The following PSMC3 variants were observed in gnomAD, a reference collection of about 807,000 sequenced individuals.
The protein encoded by PSMC3 is 26S proteasome regulatory subunit 6A.
PSMC3 carries 11 observed loss-of-function variants against 52.0 expected under a neutral mutation model. That is an observed-to-expected ratio of 0.21 (90% CI 0.13 to 0.35). PSMC3 has a LOEUF of 0.35. Among genes scored for constraint, PSMC3 ranks in the 10% least tolerant of loss-of-function variants. The pLI is 1.00. For synonymous variants in PSMC3, 201 were observed against 218.8 expected, an observed-to-expected ratio of 0.92 and a Z score of 0.72; for missense variants, 238 against 567.1, an observed-to-expected ratio of 0.42 and a Z score of 5.89.
chr11:47,420,575 T>G (rs1190743376), intron 9 of PSMC3, 56 bp downstream of exon 9: 1 of 1,522,612 alleles, frequency 6.6e-7, no homozygotes, highest in Non-Finnish European at 8.9e-7. Context: ...GCTGGGGGCC[T>G]GACAGCTCCT....
intron 10 of PSMC3, 134 bp from the exon 11 acceptor site, chr11:47,419,331 C>T (rs895455683): frequency 1.4e-5 from 12 of 847,190 alleles, no homozygotes; most frequent in African/African-American, 3.3e-5. Context: ...TTACTCAATG[C>T]GCCTTGTTTT....
At position 47,419,214 on chromosome 11, in the gene PSMC3, T is replaced by C. The variant is rs1440933387; in HGVS notation, c.1128-17A>G. 4 of 1,613,598 alleles carry C rather than the reference T, an allele frequency of 2.5e-6. No individual in the cohort carries two copies. Among genetic ancestry groups the C allele is most frequent in the Non-Finnish European group, 2.5e-6 (3 of 1,179,634 alleles). On this transcript the variant is annotated splice_polypyrimidine_tract_variant and intron_variant, in intron 10 of 11. Coordinates refer to ENST00000298852, the MANE Select transcript of PSMC3 (RefSeq NM_002804.5). ...ACGTCAGGACTGGGGACAGGACAGA[T>C]ACCACAGGCTCAGTGGCTTATGCGG... is the stretch of plus-strand genomic sequence containing the variant.
Position 47,425,959 on chromosome 11 carries a change from A to G in PSMC3, c.76-9T>C, listed in dbSNP as rs901888638. ...TCCCCAATTCCATCTTGCTGTAAAA[A>G]ATTATTTGTTTATTTATATATTTAC... On this transcript the variant is annotated splice_polypyrimidine_tract_variant and intron_variant, in intron 1 of 11. Coordinates refer to ENST00000298852, the MANE Select transcript of PSMC3 (RefSeq NM_002804.5). The G allele has an allele frequency of 2.8e-5, 45 of 1,608,810 alleles. No individual in the cohort carries two copies. The highest frequency in any genetic ancestry group is 3.5e-5 in the Non-Finnish European group (41 of 1,175,426).
chr11:47,418,968 C>T (rs1236198340), intron 11 of PSMC3, 23 bp from the exon 12 acceptor site: 6 of 1,613,176 alleles, frequency 3.7e-6, no homozygotes, highest in Non-Finnish European at 4.2e-6. Flanking sequence ...CAAACAGAGT[C>T]TAGGTCTGAA....
chr11:47,425,640 A>G (rs539274586), intron 2 of PSMC3: 104 of 554,512 alleles, frequency 1.9e-4, no homozygotes, highest in Non-Finnish European at 3.0e-4. Flanking sequence ...TCACTGGGAA[A>G]GGCAATCTGA....
intron 6 of PSMC3, among the ~76,000 whole-genome samples, chr11:47,423,785 A>C: frequency 1.7e-5 from 1 of 57,412 alleles, no homozygotes; most frequent in African/African-American, 5.1e-5. Flanking sequence ...GCAAAACTCC[A>C]TCTCGGAAAA....
chr11:47,425,324 AGG>A, intron 2 of PSMC3, 78 bp from the exon 3 acceptor site: 1 of 1,566,062 alleles, frequency 6.4e-7, no homozygotes, highest in Non-Finnish European at 8.7e-7. Flanking sequence ...AGTGAGGTCC[AGG>A]GTGCCCAGGG....
At chr11:47,424,000 A>C (rs763745134) in intron 6 of PSMC3, 46 bp downstream of exon 6, 2 of 1,613,398 alleles carry the variant, frequency 1.2e-6, no homozygotes, top group African/African-American at 2.7e-5. Context: ...GCGTGGAGAA[A>C]CTAAAAGGCT....
chr11:47,419,598 A>G (rs7120244), intron 10 of PSMC3, among the ~76,000 whole-genome samples: 150,844 of 152,216 alleles, frequency 0.99, 74,760 homozygotes, highest in East Asian at 1. Context: ...GGTGGCTCAT[A>G]CCTATAATCC....
At chr11:47,420,115 G>A in intron 10 of PSMC3, 149 bp downstream of exon 10, 1 of 930,058 alleles carries the variant, frequency 1.1e-6, no homozygotes, top group Non-Finnish European at 1.7e-6. Flanking sequence ...AGGAGAAACG[G>A]AGGCTGGCGT....
Position 47,424,422 on chromosome 11 carries a change from C to T in PSMC3, c.453+7G>A, listed in dbSNP as rs769556785. 1.2e-6 allele frequency: 2 copies of T among 1,614,018 alleles called. No individual in the cohort carries two copies. The highest frequency in any genetic ancestry group is 2.2e-5 in the East Asian group (1 of 44,888). ...AAAAGCACTGCCTGGGCTCAGGCCC[C>T]ACTCACCACCAGGTCTCCTGGCTTT... On this transcript the variant is annotated splice_region_variant and intron_variant, in intron 5 of 11. Coordinates refer to ENST00000298852, the MANE Select transcript of PSMC3 (RefSeq NM_002804.5). This position sits in a 1 kb window ranked among gnomAD's most constrained non-coding sequence, Gnocchi z 4.8.
At chr11:47,419,226 A>T (rs760764819) in intron 10 of PSMC3, 29 bp from the exon 11 acceptor site, 3 of 1,612,368 alleles carry the variant, frequency 1.9e-6, no homozygotes, top group Non-Finnish European at 2.5e-6. Context: ...CCACAGGCTC[A>T]GTGGCTTATG....
chr11:47,425,130 G>A lies in PSMC3; in HGVS notation c.276C>T (p.Asn92=), dbSNP rs768858454. 9.9e-6 allele frequency: 16 copies of A among 1,613,998 alleles called. No individual in the cohort carries two copies. The highest frequency in any genetic ancestry group is 6.7e-5 in the Admixed American group (4 of 59,988). ...CCACATACACACACACCTCGATGACGTTGGAGACAAGGTACGGCAGGGTCT... is the reference window on the plus strand; with the variant it reads ...CCACATACACACACACCTCGATGACATTGGAGACAAGGTACGGCAGGGTCT... The part of the protein sequence containing the change: ...VNKTLPYLVS[N]VIELLDVDPN... The change falls in exon 3 of 12, where the codon AAC becomes AAT. Residue 92 remains asparagine, a synonymous_variant. Coordinates refer to ENST00000298852, the MANE Select transcript of PSMC3 (RefSeq NM_002804.5).
chr11:47,426,166 G>A, intron 1 of PSMC3, 39 bp downstream of exon 1: 1 of 1,541,188 alleles, frequency 6.5e-7, no homozygotes, highest in Non-Finnish European at 8.8e-7. Context: ...TCTCCCTGCG[G>A]GCCCCGGTTC....
In PSMC3 at chr11:47,419,210, C is replaced by G; in HGVS notation, c.1128-13G>C. On this transcript the variant is annotated splice_polypyrimidine_tract_variant and intron_variant, in intron 10 of 11. Coordinates refer to ENST00000298852, the MANE Select transcript of PSMC3 (RefSeq NM_002804.5). ...GTTCACGTCAGGACTGGGGACAGGA[C>G]AGATACCACAGGCTCAGTGGCTTAT... 1 of 1,613,774 alleles carries G rather than the reference C, an allele frequency of 6.2e-7. No individual in the cohort carries two copies. Among genetic ancestry groups the G allele is most frequent in the Non-Finnish European group, 8.5e-7 (1 of 1,179,798 alleles).
intron 2 of PSMC3, 27 bp from the exon 3 acceptor site, chr11:47,425,273 A>C: frequency 6.2e-7 from 1 of 1,613,504 alleles, no homozygotes; most frequent in Non-Finnish European, 8.5e-7. Context: ...AGGAGAAGCA[A>C]ATATAAACCC....
Position 47,424,183 on chromosome 11 carries a change from C to T in PSMC3, c.454G>A (p.Gly152Ser). Reference sequence around the variant, plus strand: ...ATCAGATAGGAGTCTTTGTTCACACCCTAAGGACACAGCACAGGGCCTTCA... The same window carrying T: ...ATCAGATAGGAGTCTTTGTTCACACTCTAAGGACACAGCACAGGGCCTTCA... The part of the protein sequence containing the change: ...AEKLKPGDLV[G>S]VNKDSYLILE... The change falls in exon 6 of 12, where the codon GGT becomes AGT. Residue 152 changes from glycine to serine, a missense_variant and splice_region_variant. Around this residue, in one of 6 missense-constraint regions of PSMC3, gnomAD observed 60 missense variants for 117.3 expected, o/e 0.51. Coordinates refer to ENST00000298852, the MANE Select transcript of PSMC3 (RefSeq NM_002804.5). This position sits in a 1 kb window ranked among gnomAD's most constrained non-coding sequence, Gnocchi z 4.8. 1 of 1,614,204 alleles carries T rather than the reference C, an allele frequency of 6.2e-7. No homozygotes were observed. Among genetic ancestry groups the T allele is most frequent in the Non-Finnish European group, 8.5e-7 (1 of 1,180,044 alleles).
intron 10 of PSMC3, among the ~76,000 whole-genome samples, 174 bp from the exon 11 acceptor site, chr11:47,419,371 G>A (rs561366305): frequency 2.0e-5 from 3 of 152,328 alleles, no homozygotes; most frequent in Non-Finnish European, 2.9e-5. Context: ...GGGGATGAAG[G>A]GAGGAAGTTA....
rs2096043772 is a variant in PSMC3, at chr11:47,424,055, CTGCTTGTCCAAACCCCCAA to C, written c.563_581del (p.Ile188ArgfsTer13). 1.2e-6 allele frequency: 2 copies of C among 1,614,076 alleles called. No homozygotes were observed. The highest frequency in any genetic ancestry group is 1.7e-6 in the Non-Finnish European group (2 of 1,180,046). On this transcript the variant is annotated frameshift_variant, in exon 6 of 12. Transcript: ENST00000298852. LOFTEE classifies it high-confidence loss of function. The surrounding 1 kb of genome is among the most constrained non-coding windows in gnomAD (Gnocchi z 4.8). Reference sequence around the variant, plus strand: ...GCCGTGCCTCCCTCACCTCCTGGATCTGCTTGTCCAAACCCCCAATGTCACTGTATTGCTCCGTGGGCCT... The same window carrying C: ...GCCGTGCCTCCCTCACCTCCTGGATCTGTCACTGTATTGCTCCGTGGGCCT...
Sources: allele counts gnomAD v4.1 joint callset (sites outside exome capture counted in the v4.1 genomes callset), GRCh38; gene constraint gnomAD v4.1.1; regional missense constraint gnomAD v4.1.1; non-coding constraint Gnocchi (gnomAD v3.1); transcripts MANE v1.5; gene names NCBI Gene and HGNC (gene_info 2026-07-23, HGNC 2026-07-21).